TRPA1: variants seen among roughly 807,000 people sequenced by gnomAD.
The protein encoded by TRPA1 is ankyrin-like with transmembrane domains 1.
In TRPA1, 129 loss-of-function variants were observed where a neutral mutation model predicts 131.3. The ratio of observed to expected loss-of-function variants is 0.98; its 90% CI spans 0.85 to 1.14. TRPA1 has a LOEUF of 1.14. TRPA1 is among the 50% of genes most tolerant of loss of function. TRPA1 has a pLI of 0.00. For missense variants in TRPA1, 1,304 were observed against 1,354.2 expected (o/e 0.96, Z 0.58); for synonymous variants, 441 against 451.7 (o/e 0.98, Z 0.30).
chr8:72,023,118 T>A lies in TRPA1; in HGVS notation c.3150-2A>T. 6.2e-7 allele frequency: 1 copy of A among 1,611,796 alleles called. No individual in the cohort carries two copies. Among genetic ancestry groups the A allele is most frequent in the Non-Finnish European group, 8.5e-7 (1 of 1,179,108 alleles). Reference sequence around the variant, plus strand: ...AGGAGAAAAGTAAGATCCTTCAGCCTAAAAGGACATACACATTTCATGAAT... The same window carrying A: ...AGGAGAAAAGTAAGATCCTTCAGCCAAAAAGGACATACACATTTCATGAAT... On this transcript the variant is annotated splice_acceptor_variant, in intron 26 of 26. Coordinates refer to ENST00000262209, the MANE Select transcript of TRPA1 (RefSeq NM_007332.3). LOFTEE classifies it high-confidence loss of function.
Position 72,035,924 on chromosome 8 carries a change from G to A in TRPA1, c.2555+364C>T, listed in dbSNP as rs1812025289. Among the ~76,000 whole-genome samples the A allele has an allele frequency of 2.1e-5, 3 of 143,672 alleles. No individual in the cohort carries two copies. In the South Asian group the frequency reaches 6.5e-4, roughly 31 times the overall value. The allele number at this position is 143,672 out of a possible 152,430, so 94.3% of individuals were successfully genotyped here. A position where few individuals can be genotyped will look rare whatever the true frequency, so the allele number is the denominator to read the frequency against. Reference sequence around the variant, plus strand: ...TTGTCATAACTGGACTGGGGTGGATGCTACTGGTATCTAGTGGGTAGAAGC... The same window carrying A: ...TTGTCATAACTGGACTGGGGTGGATACTACTGGTATCTAGTGGGTAGAAGC... On this transcript the variant is annotated intron_variant, in intron 21 of 26. Transcript: ENST00000262209.
intron 4 of TRPA1, 46 bp downstream of exon 4, chr8:72,065,405 T>TC: frequency 7.2e-7 from 1 of 1,394,580 alleles, no homozygotes; most frequent in Non-Finnish European, 1.0e-6. Flanking sequence ...CATGTTGTAT[T>TC]CATGAAAAGA....
In TRPA1 at chr8:72,058,284, G is replaced by GAAATCAC. The variant is rs561185232; in HGVS notation, c.994-475_994-469dup. Reference sequence around the variant, plus strand: ...ATAGATGAACTGAAATAATTGAATCGAAATCACTCAAATTCTAAAGTAAAA... The same window carrying GAAATCAC: ...ATAGATGAACTGAAATAATTGAATCGAAATCACAAATCACTCAAATTCTAAAGTAAAA... On this transcript the variant is annotated intron_variant, in intron 8 of 26. Transcript: ENST00000262209. Among the ~76,000 whole-genome samples the GAAATCAC allele has an allele frequency of 4.6e-3, 705 of 151,926 alleles. 1 individual carries two copies. Among genetic ancestry groups the GAAATCAC allele is most frequent in the Non-Finnish European group, 7.5e-3 (507 of 67,948 alleles).
intron 22 of TRPA1, 65 bp from the exon 23 acceptor site, chr8:72,033,891 A>G: frequency 6.8e-7 from 1 of 1,461,474 alleles, no homozygotes; most frequent in Middle Eastern, 1.7e-4. Flanking sequence ...TGTTTCCTGG[A>G]GGTAGAATGA....
At chr8:72,063,847 G>A (rs767487720) in intron 4 of TRPA1, among the ~76,000 whole-genome samples, 14 of 152,052 alleles carry the variant, frequency 9.2e-5, no homozygotes, top group African/African-American at 3.4e-4. Context: ...ATTTTTCAAT[G>A]GGATTAATGA....
chr8:72,025,379 C>T (rs1811562413), intron 25 of TRPA1, among the ~76,000 whole-genome samples: 1 of 152,094 alleles, frequency 6.6e-6, no homozygotes, highest in Non-Finnish European at 1.5e-5. Flanking sequence ...CTTGCTTCCC[C>T]TTCACCTTCC....
the TRPA1 span, among the ~76,000 whole-genome samples, chr8:72,088,138 A>C: frequency 6.6e-6 from 1 of 152,198 alleles, no homozygotes; most frequent in Non-Finnish European, 1.5e-5. Context: ...GAATGCTTGA[A>C]GCTGTCTTTG....
chr8:72,052,984 T>TGTGTGC (rs1427707757), intron 13 of TRPA1: 5 of 408,726 alleles, frequency 1.2e-5, no homozygotes, highest in African/African-American at 2.3e-5. Flanking sequence ...TGTGTGTGTG[T>TGTGTGC]GTGTGTGTGT....
chr8:72,070,162 C>T (rs1235540922), intron 2 of TRPA1, among the ~76,000 whole-genome samples: 4 of 152,186 alleles, frequency 2.6e-5, no homozygotes, highest in African/African-American at 7.2e-5. Flanking sequence ...TATATCTTTA[C>T]GTCCAGGAAA....
chr8:72,059,281 A>T, intron 8 of TRPA1, 109 bp downstream of exon 8: 1 of 752,342 alleles, frequency 1.3e-6, no homozygotes, highest in Non-Finnish European at 2.2e-6. Flanking sequence ...TTTTGCTGAT[A>T]AGCAAGAAAT....
intron 4 of TRPA1, 130 bp downstream of exon 4, chr8:72,065,321 T>C: frequency 1.2e-6 from 1 of 851,764 alleles, no homozygotes; most frequent in African/African-American, 1.7e-5. Flanking sequence ...AAAAACTTTT[T>C]TCCTGACCTA....
Position 72,022,548 on chromosome 8 carries a change from G to A in TRPA1, c.*358C>T, listed in dbSNP as rs905363344. 5.6e-6 allele frequency: 2 copies of A among 357,608 alleles called. No individual in the cohort carries two copies. Among genetic ancestry groups the A allele is most frequent in the Admixed American group, 8.2e-5 (2 of 24,444 alleles). 22.2% of individuals were successfully genotyped at this position (357,608 alleles called of 1,614,324 possible). ...GCATCACATATTATGTAATTAACAA[G>A]CAGGAATTCAGTACTGACATTTGCA... On this transcript the variant is annotated 3_prime_UTR_variant, in exon 27 of 27. Coordinates refer to ENST00000262209, the MANE Select transcript of TRPA1 (RefSeq NM_007332.3).
chr8:72,037,240 T>G (rs888473703), intron 20 of TRPA1, among the ~76,000 whole-genome samples: 1 of 152,170 alleles, frequency 6.6e-6, no homozygotes, highest in African/African-American at 2.4e-5. Context: ...AATGCAAATA[T>G]CTATGTGCTT....
the TRPA1 span, among the ~76,000 whole-genome samples, chr8:72,082,663 A>G: frequency 6.6e-6 from 1 of 151,874 alleles, no homozygotes; most frequent in Non-Finnish European, 1.5e-5. Flanking sequence ...ATTGTTTTCA[A>G]TGAGAAGTCA....
At chr8:72,023,515 C>T (rs1488979638) in intron 26 of TRPA1, 5 of 413,996 alleles carry the variant, frequency 1.2e-5, no homozygotes, top group Non-Finnish European at 2.2e-5. Flanking sequence ...GCTTTCAGAG[C>T]TTTGCTTTAT....
chr8:72,051,859 G>A (rs1805517005), intron 14 of TRPA1, among the ~76,000 whole-genome samples: 4 of 152,198 alleles, frequency 2.6e-5, no homozygotes, highest in Non-Finnish European at 4.4e-5. Flanking sequence ...CAAGAGTGAT[G>A]TGAAGCTTGG....
At chr8:72,061,156 G>T (rs1036588585) in intron 7 of TRPA1, among the ~76,000 whole-genome samples, 5 of 152,102 alleles carry the variant, frequency 3.3e-5, no homozygotes, top group African/African-American at 1.2e-4. Context: ...TTGGAAACTT[G>T]GTTATAATTT....
At chr8:72,084,437 T>A in the TRPA1 span, among the ~76,000 whole-genome samples, 1 of 143,954 alleles carries the variant, frequency 6.9e-6, no homozygotes, top group African/African-American at 2.5e-5. Context: ...CTTAGAGATT[T>A]GATTTTTTAA....
At position 72,075,463 on chromosome 8, in the gene TRPA1, C is replaced by A. The variant is rs1023123049; in HGVS notation, c.-54G>T. The A allele has an allele frequency of 4.8e-6, 7 of 1,450,358 alleles. No homozygotes were observed. The East Asian group carries it at 1.4e-4, about 28-fold the overall frequency. The allele number at this position is 1,450,358 out of a possible 1,614,324, so 89.8% of individuals were successfully genotyped here. On this transcript the variant is annotated 5_prime_UTR_variant, in exon 1 of 27. In the 5' UTR this introduces an upstream ATG that the reference lacks. Coordinates refer to ENST00000262209, the MANE Select transcript of TRPA1 (RefSeq NM_007332.3). Reference sequence around the variant, plus strand: ...AGCTGCTCACCACGCGCGCGGGCACCTGGGGCGAGAGAGCGCTGTCAGCCT... The same window carrying A: ...AGCTGCTCACCACGCGCGCGGGCACATGGGGCGAGAGAGCGCTGTCAGCCT...
Sources: allele counts gnomAD v4.1 joint callset (sites outside exome capture counted in the v4.1 genomes callset), GRCh38; gene constraint gnomAD v4.1.1; transcripts MANE v1.5; gene names NCBI Gene and HGNC (gene_info 2026-07-23, HGNC 2026-07-21).